Variants in GRIK2 observed in about 807,000 individuals in gnomAD.
The protein encoded by GRIK2 is glutamate receptor ionotropic, kainate 2.
GRIK2 carries 32 observed loss-of-function variants against 100.3 expected under a neutral mutation model. The observed-to-expected ratio is 0.32, with a 90% CI of 0.24 to 0.43. The LOEUF is 0.43. GRIK2 is among the 20% of genes least tolerant of loss of function. The pLI, the probability that GRIK2 is intolerant of heterozygous loss-of-function variation, is 1.00. For synonymous variants in GRIK2, 417 were observed against 389.4 expected (o/e 1.07, Z -0.83); for missense variants, 843 against 1,114.9 (o/e 0.76, Z 3.47).
intron 2 of GRIK2, among the ~76,000 whole-genome samples, chr6:101,564,558 A>T (rs1196167472): frequency 6.6e-6 from 1 of 152,008 alleles, no homozygotes; most frequent in Non-Finnish European, 1.5e-5. Flanking sequence ...CTTTCTCCCT[A>T]ATGTAAGTAT....
At chr6:101,798,683 T>G (rs1407073919) in intron 7 of GRIK2, among the ~76,000 whole-genome samples, 2 of 151,924 alleles carry the variant, frequency 1.3e-5, no homozygotes, top group Non-Finnish European at 2.9e-5. Flanking sequence ...AAATATATGC[T>G]TTTATTCTAA....
At chr6:101,695,317 T>A (rs1324366291) in intron 7 of GRIK2, among the ~76,000 whole-genome samples, 1 of 152,080 alleles carries the variant, frequency 6.6e-6, no homozygotes, top group Non-Finnish European at 1.5e-5. Context: ...GGAGCTCTTT[T>A]ATAATGTTGC....
At chr6:101,518,665 C>T (rs559322837) in intron 2 of GRIK2, among the ~76,000 whole-genome samples, 3 of 152,204 alleles carry the variant, frequency 2.0e-5, no homozygotes, top group South Asian at 2.1e-4. Flanking sequence ...GTTTGAGAAA[C>T]GTGGCCCACT....
At chr6:101,790,860 TA>T (rs1298048647) in intron 7 of GRIK2, among the ~76,000 whole-genome samples, 4 of 151,618 alleles carry the variant, frequency 2.6e-5, no homozygotes, top group Non-Finnish European at 4.4e-5. Flanking sequence ...GTTGGTAAGC[TA>T]TTGATTATTG....
intron 10 of GRIK2, among the ~76,000 whole-genome samples, chr6:101,858,279 T>A (rs995369004): frequency 6.6e-6 from 1 of 152,068 alleles, no homozygotes; most frequent in Admixed American, 6.6e-5. Context: ...TCTATTTATA[T>A]AGAGGAGGGC....
chr6:101,415,597 C>T (rs550582324), intron 2 of GRIK2, among the ~76,000 whole-genome samples: 127 of 152,126 alleles, frequency 8.3e-4, no homozygotes, highest in Admixed American at 1.8e-3. Flanking sequence ...GTCTTGATCT[C>T]CTGACCTCGT....
intron 2 of GRIK2, among the ~76,000 whole-genome samples, chr6:101,456,615 T>C (rs1336902127): frequency 6.6e-6 from 1 of 152,056 alleles, no homozygotes; most frequent in Non-Finnish European, 1.5e-5. Flanking sequence ...ATAACATTAT[T>C]CAACTGAACT....
chr6:101,639,503 C>T (rs1436047532), intron 4 of GRIK2, among the ~76,000 whole-genome samples: 1 of 151,926 alleles, frequency 6.6e-6, no homozygotes, highest in Non-Finnish European at 1.5e-5. Flanking sequence ...CTTATTTCTC[C>T]TCTTTATAGT....
chr6:101,790,488 T>A (rs2128407535), intron 7 of GRIK2, among the ~76,000 whole-genome samples: 1 of 150,870 alleles, frequency 6.6e-6, no homozygotes, highest in East Asian at 1.9e-4. Context: ...TCTTTGGCTC[T>A]GTTTATATGC....
intron 7 of GRIK2, among the ~76,000 whole-genome samples, chr6:101,754,099 T>C (rs1245361481): frequency 6.6e-6 from 1 of 151,698 alleles, no homozygotes; most frequent in Non-Finnish European, 1.5e-5. Flanking sequence ...ATTTCTTAGA[T>C]AACTTCTTCT....
At chr6:101,920,542 C>G (rs576319678) in intron 12 of GRIK2, among the ~76,000 whole-genome samples, 17 of 151,948 alleles carry the variant, frequency 1.1e-4, no homozygotes, top group Non-Finnish European at 1.2e-4. Context: ...AAAACAAATA[C>G]TGAGCGATAG....
Position 101,760,693 on chromosome 6 carries a change from A to G in GRIK2, c.952-38955A>G, listed in dbSNP as rs1319954606. Among the ~76,000 whole-genome samples, 296 of 71,984 alleles carry G rather than the reference A, an allele frequency of 4.1e-3. 15 individuals are homozygous for G. Among genetic ancestry groups the G allele is most frequent in the African/African-American group, 0.023 (282 of 12,456 alleles). The allele number at this position is 71,984 out of a possible 152,430, so 47.2% of individuals were successfully genotyped here. On this transcript the variant is annotated intron_variant, in intron 7 of 16. Transcript: ENST00000369134. Reference sequence around the variant, plus strand: ...ATAATTATATATTTAATTATATATAATTATATATAATTATATATTTAATTA... The same window carrying G: ...ATAATTATATATTTAATTATATATAGTTATATATAATTATATATTTAATTA...
At chr6:101,564,613 C>G (rs1362024406) in intron 2 of GRIK2, among the ~76,000 whole-genome samples, 1 of 152,100 alleles carries the variant, frequency 6.6e-6, no homozygotes, top group Non-Finnish European at 1.5e-5. Flanking sequence ...ACTGTCATCT[C>G]ATTTTCTACC....
At chr6:101,994,076 A>G (rs186091013) in intron 14 of GRIK2, among the ~76,000 whole-genome samples, 1 of 149,934 alleles carries the variant, frequency 6.7e-6, no homozygotes, top group East Asian at 2.0e-4. Flanking sequence ...AAATACATAC[A>G]TTATAAATGA....
chr6:101,792,702 C>T (rs1033455689), intron 7 of GRIK2, among the ~76,000 whole-genome samples: 3 of 152,028 alleles, frequency 2.0e-5, no homozygotes, highest in Admixed American at 6.5e-5. Flanking sequence ...TTGCTCTTCT[C>T]GAGGAGTATC....
chr6:101,799,871 A>C, intron 8 of GRIK2, 80 bp downstream of exon 8: 1 of 1,137,346 alleles, frequency 8.8e-7, no homozygotes, highest in Non-Finnish European at 1.3e-6. Context: ...TTTTTCTAGC[A>C]AGTGTCCTTT....
At position 101,676,701 on chromosome 6, in the gene GRIK2, A is replaced by T; in HGVS notation, c.620A>T (p.Asp207Val). The T allele has an allele frequency of 6.2e-7, 1 of 1,605,632 alleles. No individual in the cohort carries two copies. ...CTCAAAATTCGTCAGTTACCTGCTG[A>T]TACAAAGGATGCAAAACCCTTACTA... Reference protein sequence around the residue: ...LRLKIRQLPADTKDAKPLLKE... With the variant: ...LRLKIRQLPAVTKDAKPLLKE... Residue 207 changes from aspartate (D) to valine (V), a missense_variant, in exon 5 of 17, where the codon GAT becomes GTT. Transcript: ENST00000369134.
At chr6:101,800,766 C>T (rs906789245) in intron 8 of GRIK2, among the ~76,000 whole-genome samples, 1 of 151,998 alleles carries the variant, frequency 6.6e-6, no homozygotes, top group Non-Finnish European at 1.5e-5. Context: ...AAAACTGAAA[C>T]TTAGTGAGCT....
intron 2 of GRIK2, among the ~76,000 whole-genome samples, chr6:101,452,840 CT>C (rs950922026): frequency 2.0e-5 from 3 of 151,850 alleles, no homozygotes; most frequent in African/African-American, 7.2e-5. Context: ...AGAATACTAT[CT>C]GAATGTTGTC....
Sources: gnomAD v4.1 joint callset for allele counts (sites outside exome capture counted in the v4.1 genomes callset) on GRCh38, gnomAD v4.1.1 for gene constraint, MANE v1.5 for transcripts, NCBI Gene and HGNC (gene_info 2026-07-23, HGNC 2026-07-21) for gene names.